The following GSE1 variants were observed in gnomAD, a reference collection of about 807,000 sequenced individuals.
GSE1 encodes the protein genetic suppressor element 1.
A neutral mutation model predicts 112.6 loss-of-function variants in GSE1; 32 were observed. The ratio of observed to expected loss-of-function variants is 0.28; its 90% confidence interval spans 0.21 to 0.38. The LOEUF (loss-of-function observed/expected upper bound fraction) is 0.38. Ranked by LOEUF, GSE1 falls within the 10% of genes least tolerant of loss-of-function variation. The pLI is 1.00. For synonymous variants in GSE1, 1,115 were observed against 735.6 expected (o/e 1.52, Z -8.35); for missense variants, 2,348 against 1,699.2 (o/e 1.38, Z -6.71).
intron 1 of GSE1, among the ~76,000 whole-genome samples, chr16:85,217,818 C>T (rs1055904674): frequency 3.3e-5 from 5 of 152,180 alleles, no homozygotes; most frequent in Non-Finnish European, 7.3e-5. Flanking sequence ...TCCTCGAAGC[C>T]CTCCCTGACT....
intron 1 of GSE1, among the ~76,000 whole-genome samples, chr16:85,575,584 T>A (rs2046197554): frequency 6.6e-6 from 1 of 152,194 alleles, no homozygotes; most frequent in African/African-American, 2.4e-5. Context: ...AATTGCGATT[T>A]CTTTTTCATG....
intron 1 of GSE1, among the ~76,000 whole-genome samples, chr16:85,234,028 G>A (rs955213571): frequency 3.4e-4 from 51 of 152,130 alleles, no homozygotes; most frequent in African/African-American, 1.2e-3. Context: ...AGATTCCAAG[G>A]CCCCCTTGGG....
At chr16:85,434,197 C>A (rs1331334486) in intron 2 of GSE1, among the ~76,000 whole-genome samples, 1 of 152,078 alleles carries the variant, frequency 6.6e-6, no homozygotes, top group East Asian at 1.9e-4. Flanking sequence ...GGGCTGGGGA[C>A]TGCAGCCTCA....
intron 1 of GSE1, among the ~76,000 whole-genome samples, chr16:85,324,765 C>T (rs937141159): frequency 5.9e-5 from 9 of 151,834 alleles, no homozygotes; most frequent in African/African-American, 1.9e-4. Flanking sequence ...AGACAGGAAG[C>T]GGATGAGTGG....
chr16:85,471,420 T>G (rs2050293050), intron 2 of GSE1, among the ~76,000 whole-genome samples: 2 of 152,310 alleles, frequency 1.3e-5, no homozygotes, highest in South Asian at 4.1e-4. Flanking sequence ...TTTTCTTTCT[T>G]TATTACTTGT....
In GSE1 at chr16:85,560,828, A is replaced by T. The variant is rs147800130; in HGVS notation, c.37+4465A>T. Among the ~76,000 whole-genome samples the T allele has an allele frequency of 2.1e-3, 315 of 152,212 alleles. 3 individuals carry two copies. Among genetic ancestry groups the T allele is most frequent in the African/African-American group, 7.2e-3 (297 of 41,508 alleles). On this transcript the variant is annotated intron_variant, in intron 1 of 2. Coordinates refer to the GSE1 transcript ENST00000635906. ...GGGCCAGTAATAACGATCCTAAAAA[A>T]AATAATAATAATAACGAGGACTGGG... is the stretch of plus-strand genomic sequence containing the variant.
intron 2 of GSE1, among the ~76,000 whole-genome samples, chr16:85,640,419 C>G (rs745854269): frequency 6.6e-6 from 1 of 152,254 alleles, no homozygotes; most frequent in Admixed American, 6.5e-5. Context: ...GGGGCTGGAA[C>G]TGCTCTCTTG....
At chr16:85,574,786 C>T (rs900577399) in intron 1 of GSE1, among the ~76,000 whole-genome samples, 1 of 152,226 alleles carries the variant, frequency 6.6e-6, no homozygotes, top group African/African-American at 2.4e-5. Context: ...CCCTGGGTCT[C>T]CTCCTCACCC....
At chr16:85,555,203 A>C, upstream of GSE1, 1 of 985,218 alleles carries the variant, frequency 1.0e-6, no homozygotes, top group South Asian at 4.7e-5. Flanking sequence ...CAGCTTTCCA[A>C]TTTACCGATA....
intron 1 of GSE1, among the ~76,000 whole-genome samples, chr16:85,294,996 C>T (rs2151448072): frequency 6.6e-6 from 1 of 152,156 alleles, no homozygotes; most frequent in East Asian, 1.9e-4. Flanking sequence ...AACCATCCTC[C>T]TGCCTAGGCC....
chr16:85,500,998 G>GTTTTTTTTTTTTT (rs55650214), intron 2 of GSE1, among the ~76,000 whole-genome samples: 1 of 64,826 alleles, frequency 1.5e-5, no homozygotes, highest in Non-Finnish European at 2.6e-5. Flanking sequence ...GGCCTGTTCT[G>GTTTTTTTTTTTTT]TTTTTTTTTT....
chr16:85,672,406 A>T lies in GSE1; in HGVS notation c.3521A>T (p.Glu1174Val). The change falls in exon 16 of 16, where the codon GAG becomes GTG. Residue 1174 changes from glutamate to valine, a missense_variant and splice_region_variant. Transcript: ENST00000253458. ...TAEQLSHSVA[E>V]LRSQKQKMVS... ...TGACACAAATTTCCCTCTCTCCAGG[A>T]GTTGAGGAGCCAGAAACAGAAGATG... 1 of 1,610,738 alleles carries T rather than the reference A, an allele frequency of 6.2e-7. No individual in the cohort carries two copies. The highest frequency in any genetic ancestry group is 8.5e-7 in the Non-Finnish European group (1 of 1,177,412).
chr16:85,631,042 T>A (rs924304415), intron 1 of GSE1, among the ~76,000 whole-genome samples: 1 of 152,168 alleles, frequency 6.6e-6, no homozygotes, highest in Non-Finnish European at 1.5e-5. Context: ...CCCGGGGCCC[T>A]GCTCCTGTCT....
chr16:85,278,178 C>A (rs553767212), intron 1 of GSE1, among the ~76,000 whole-genome samples: 8 of 152,314 alleles, frequency 5.3e-5, no homozygotes, highest in Non-Finnish European at 1.0e-4. Flanking sequence ...GCTGGTGAGG[C>A]CCCCCTGGAC....
chr16:85,421,985 T>TGTCTTTCCG (rs1320561010), intron 2 of GSE1, among the ~76,000 whole-genome samples: 1 of 152,082 alleles, frequency 6.6e-6, no homozygotes, highest in Non-Finnish European at 1.5e-5. Flanking sequence ...GTGTGATCAT[T>TGTCTTTCCG]GTCTTTCCGG....
chr16:85,465,925 T>C (rs917244972), intron 2 of GSE1, among the ~76,000 whole-genome samples: 21 of 152,374 alleles, frequency 1.4e-4, no homozygotes, highest in African/African-American at 4.6e-4. Flanking sequence ...GTGAGCACTT[T>C]GTTCTAATGA....
intron 1 of GSE1, among the ~76,000 whole-genome samples, chr16:85,256,857 C>T (rs186810638): frequency 1.6e-4 from 24 of 152,384 alleles, no homozygotes; most frequent in African/African-American, 2.2e-4. Context: ...TTCAATGAAA[C>T]GCAACGCAAA....
At chr16:85,273,460 A>G (rs1909051460) in intron 1 of GSE1, among the ~76,000 whole-genome samples, 1 of 152,186 alleles carries the variant, frequency 6.6e-6, no homozygotes, top group Non-Finnish European at 1.5e-5. Flanking sequence ...ATGCCGTGGA[A>G]TATTACTCAG....
chr16:85,551,318 A>T (rs2044903689), upstream of GSE1, among the ~76,000 whole-genome samples: 1 of 152,126 alleles, frequency 6.6e-6, no homozygotes, highest in Non-Finnish European at 1.5e-5. Context: ...TCACATGGGC[A>T]CCTGGCAGTC....
Sources: allele counts gnomAD v4.1 joint callset (sites outside exome capture counted in the v4.1 genomes callset), GRCh38; gene constraint gnomAD v4.1.1; transcripts MANE v1.5; gene names NCBI Gene and HGNC (gene_info 2026-07-23, HGNC 2026-07-21).